Variants in DCAF6 observed in about 807,000 individuals in gnomAD.
DCAF6 encodes DDB1- and CUL4-associated factor 6.
Under a neutral mutation model 125.1 loss-of-function variants are expected in DCAF6, and 54 were observed. That is an observed-to-expected ratio of 0.43 (90% CI 0.35 to 0.54). The LOEUF is 0.54. Ranked by LOEUF, DCAF6 falls within the 20% of genes least tolerant of loss-of-function variation. The pLI is 0.01. For synonymous variants in DCAF6, 371 were observed against 390.4 expected (o/e 0.95, Z 0.58); for missense variants, 934 against 1,161.7 (o/e 0.80, Z 2.85).
chr1:167,972,875 A>G (rs1677549180), intron 3 of DCAF6, among the ~76,000 whole-genome samples: 1 of 152,174 alleles, frequency 6.6e-6, no homozygotes, highest in South Asian at 2.1e-4. Flanking sequence ...TAATTAGTTT[A>G]TTTAATAAGG....
intron 18 of DCAF6, 74 bp downstream of exon 18, chr1:168,063,833 C>T (rs1691930610): frequency 7.1e-7 from 1 of 1,409,554 alleles, no homozygotes; most frequent in Non-Finnish European, 9.7e-7. Flanking sequence ...AATGATTTAT[C>T]TTCATATATT....
chr1:167,983,078 G>A (rs1227914249), intron 4 of DCAF6, among the ~76,000 whole-genome samples: 10 of 152,144 alleles, frequency 6.6e-5, no homozygotes, highest in Non-Finnish European at 1.3e-4. Context: ...TTAAAGTATG[G>A]TTTGCAGTCA....
intron 16 of DCAF6, among the ~76,000 whole-genome samples, chr1:168,046,017 A>G (rs2101809835): frequency 6.6e-6 from 1 of 152,202 alleles, no homozygotes; most frequent in African/African-American, 2.4e-5. Flanking sequence ...TTATATGCTC[A>G]ATATATTGCT....
intron 1 of DCAF6, among the ~76,000 whole-genome samples, chr1:167,938,848 T>TC (rs1307729863): frequency 1.3e-5 from 2 of 152,132 alleles, no homozygotes; most frequent in African/African-American, 2.4e-5. Flanking sequence ...CCCCTCCTAC[T>TC]CCAACTCCCT....
At chr1:167,953,227 A>C (rs1168038078) in intron 2 of DCAF6, among the ~76,000 whole-genome samples, 2 of 152,288 alleles carry the variant, frequency 1.3e-5, no homozygotes, top group East Asian at 3.9e-4. Context: ...TATGCCTTAT[A>C]CCTAGAATTC....
the DCAF6 span, among the ~76,000 whole-genome samples, chr1:167,923,091 AAC>A: frequency 6.6e-5 from 10 of 152,220 alleles, no homozygotes; most frequent in African/African-American, 2.4e-4. Context: ...GAGAAATTAG[AAC>A]ACTTATGAAT....
At position 168,063,687 on chromosome 1, in the gene DCAF6, A is replaced by G. The variant is rs148226733; in HGVS notation, c.2367A>G (p.Glu789=). 302 of 1,604,516 alleles carry G rather than the reference A, an allele frequency of 1.9e-4. No individual in the cohort carries two copies. Among genetic ancestry groups the G allele is most frequent in the Non-Finnish European group, 2.3e-4 (276 of 1,176,364 alleles). The change falls in exon 18 of 22, where the codon GAA becomes GAG. Residue 789 remains glutamate, a synonymous_variant. Coordinates refer to ENST00000367840, the MANE Select transcript of DCAF6 (RefSeq NM_001198956.2). ...GAAAAGAAAGGAAAGAAATGGAAGAATTGGATACTTTGAACATTAGAAGGC... is the reference window on the plus strand; with the variant it reads ...GAAAAGAAAGGAAAGAAATGGAAGAGTTGGATACTTTGAACATTAGAAGGC... ...RRRKERKEME[E]LDTLNIRRPL...
upstream of DCAF6, among the ~76,000 whole-genome samples, chr1:167,932,449 C>T (rs903261017): frequency 2.0e-5 from 3 of 152,128 alleles, no homozygotes. Context: ...CATTTTGGAA[C>T]TCACAAATAC....
At chr1:167,948,770 G>A (rs1262399478) in intron 1 of DCAF6, among the ~76,000 whole-genome samples, 1 of 152,132 alleles carries the variant, frequency 6.6e-6, no homozygotes, top group African/African-American at 2.4e-5. Context: ...TCCTACCTCA[G>A]CCTCCCGAGT....
At chr1:168,037,101 C>CT (rs201286301) in intron 12 of DCAF6, among the ~76,000 whole-genome samples, 25 of 148,656 alleles carry the variant, frequency 1.7e-4, no homozygotes, top group African/African-American at 2.8e-4. Flanking sequence ...GATTCTCCCC[C>CT]CCCTTTTTTT....
chr1:167,883,462 A>T, the DCAF6 span: 1 of 1,614,138 alleles, frequency 6.2e-7, no homozygotes, highest in Non-Finnish European at 8.5e-7. Context: ...GACTTTATTG[A>T]TTTGGCCTTG....
rs1318458083 is a variant in DCAF6 at position 168,044,631 on chromosome 1, A to C, written c.1890A>C (p.Gly630=). The C allele has an allele frequency of 9.9e-6, 16 of 1,613,372 alleles. No homozygotes were observed. The highest frequency in any genetic ancestry group is 1.4e-5 in the Non-Finnish European group (16 of 1,179,460). The part of the protein sequence containing the change: ...SSEDVTKYQE[G]VSAENPVENH... Reference sequence around the variant, plus strand: ...AGGATGTGACAAAATATCAGGAAGGAGTATCTGCAGAAAACCCAGTTGAGA... The same window carrying C: ...AGGATGTGACAAAATATCAGGAAGGCGTATCTGCAGAAAACCCAGTTGAGA... Residue 630 remains glycine (G), a synonymous_variant, in exon 15 of 22, where the codon GGA becomes GGC. Transcript: ENST00000367840.
the DCAF6 span, among the ~76,000 whole-genome samples, chr1:167,882,865 C>G: frequency 6.6e-6 from 1 of 152,182 alleles, no homozygotes; most frequent in Non-Finnish European, 1.5e-5. Flanking sequence ...GTTTCAGCAT[C>G]CTCATCTATA....
upstream of DCAF6, among the ~76,000 whole-genome samples, chr1:167,935,049 G>A (rs1671050728): frequency 6.6e-6 from 1 of 151,992 alleles, no homozygotes; most frequent in Non-Finnish European, 1.5e-5. Context: ...CATAGACCGC[G>A]TATTACACAA....
At chr1:167,924,776 T>C in the DCAF6 span, among the ~76,000 whole-genome samples, 2 of 152,136 alleles carry the variant, frequency 1.3e-5, no homozygotes, top group African/African-American at 4.8e-5. Context: ...TGTATGCAAA[T>C]TTTTTTCAGT....
the DCAF6 span, among the ~76,000 whole-genome samples, chr1:167,925,588 C>T: frequency 6.8e-6 from 1 of 146,382 alleles, no homozygotes; most frequent in African/African-American, 2.5e-5. Flanking sequence ...ACTCTGTTGC[C>T]CAGGCTGGAG....
chr1:168,071,786 C>T (rs571954688), intron 21 of DCAF6, among the ~76,000 whole-genome samples: 4 of 152,234 alleles, frequency 2.6e-5, no homozygotes, highest in Non-Finnish European at 5.9e-5. Flanking sequence ...CTTACTCTGG[C>T]CTTCAAGGTC....
At chr1:167,892,038 AT>A in the DCAF6 span, among the ~76,000 whole-genome samples, 2 of 149,132 alleles carry the variant, frequency 1.3e-5, no homozygotes, top group Non-Finnish European at 3.0e-5. Context: ...CAGTGGAGCA[AT>A]CTCGGCTCAC....
the DCAF6 span, chr1:167,883,647 C>T: frequency 6.2e-7 from 1 of 1,613,998 alleles, no homozygotes; most frequent in Non-Finnish European, 8.5e-7. Flanking sequence ...TAGAGAGCAG[C>T]TTTCTGTAGG....
Sources: allele counts gnomAD v4.1 joint callset (sites outside exome capture counted in the v4.1 genomes callset), GRCh38; gene constraint gnomAD v4.1.1; transcripts MANE v1.5; gene names NCBI Gene and HGNC (gene_info 2026-07-23, HGNC 2026-07-21).